SFN: variants seen among roughly 807,000 people sequenced by gnomAD.
The protein encoded by SFN is 14-3-3 protein sigma.
A neutral mutation model predicts 19.1 loss-of-function variants in SFN; 5 were observed. That is an observed-to-expected ratio of 0.26 (90% CI 0.14 to 0.55). The LOEUF is 0.55. SFN is among the 20% of genes least tolerant of loss of function. The probability of loss-of-function intolerance (pLI) is 0.94; values close to 1 mark genes in which losing one functional copy is unlikely to be tolerated. For missense variants in SFN, 287 were observed against 330.0 expected (o/e 0.87, Z 1.01); for synonymous variants, 130 against 140.9 (o/e 0.92, Z 0.55).
At position 26,863,449 on chromosome 1, in the gene SFN, C is replaced by G. The variant is rs747266675; in HGVS notation, c.237C>G (p.Pro79=). The G allele has an allele frequency of 6.2e-7, 1 of 1,614,058 alleles. No individual in the cohort carries two copies. ...SNEEGSEEKG[P]EVREYREKVE... ...AGGAGGGCTCGGAGGAGAAGGGGCC[C>G]GAGGTGCGTGAGTACCGGGAGAAGG... Residue 79 remains proline, a synonymous_variant, in exon 1 of 1, where the codon CCC becomes CCG. Transcript: ENST00000339276. This position sits in a 1 kb window ranked among gnomAD's most constrained non-coding sequence, Gnocchi z 7.4.
At position 26,863,430 on chromosome 1, in the gene SFN, G is replaced by A. The variant is rs779078184; in HGVS notation, c.218G>A (p.Gly73Asp). Reference protein sequence around the residue: ...SSIEQKSNEEGSEEKGPEVRE... With the variant: ...SSIEQKSNEEDSEEKGPEVRE... ...ATTGAGCAGAAAAGCAACGAGGAGG[G>A]CTCGGAGGAGAAGGGGCCCGAGGTG... is the stretch of plus-strand genomic sequence containing the variant. The change falls in exon 1 of 1, where the codon GGC (glycine) becomes GAC (aspartate). Residue 73 changes from glycine (G) to aspartate (D), a missense_variant. Gly to Asp is a moderately conservative substitution (Grantham distance 94). Coordinates refer to ENST00000339276, the MANE Select transcript of SFN (RefSeq NM_006142.5). This position sits in a 1 kb window ranked among gnomAD's most constrained non-coding sequence, Gnocchi z 7.4. 2 of 1,614,206 alleles carry A rather than the reference G, an allele frequency of 1.2e-6. No homozygotes were observed. Among genetic ancestry groups the A allele is most frequent in the Admixed American group, 3.3e-5 (2 of 60,024 alleles).
At position 26,863,176 on chromosome 1, in the gene SFN, CA is replaced by C; in HGVS notation, c.-36del. 1 of 1,607,760 alleles carries C rather than the reference CA, an allele frequency of 6.2e-7. No individual in the cohort carries two copies. Among genetic ancestry groups the C allele is most frequent in the Non-Finnish European group, 8.5e-7 (1 of 1,177,458 alleles). ...AGAGTCCGGCATTGGTCCCAGGCAG[CA>C]GTTAGCCCGCCGCCCGCCTGTGTGT... On this transcript the variant is annotated 5_prime_UTR_variant, in exon 1 of 1. Transcript: ENST00000339276. The surrounding 1 kb of genome is among the most constrained non-coding windows in gnomAD (Gnocchi z 7.4).
At position 26,864,003 on chromosome 1, in the gene SFN, C is replaced by A; in HGVS notation, c.*44C>A. On this transcript the variant is annotated 3_prime_UTR_variant, in exon 1 of 1. Coordinates refer to ENST00000339276, the MANE Select transcript of SFN (RefSeq NM_006142.5). The surrounding 1 kb of genome is among the most constrained non-coding windows in gnomAD (Gnocchi z 5.2). ...CCGCCCTGCCCCCTCCAGTCCCCCA[C>A]CCTGCCGAGAGGACTAGTATGGGGT... 2.7e-6 allele frequency: 4 copies of A among 1,482,958 alleles called. No homozygotes were observed. The highest frequency in any genetic ancestry group is 3.6e-6 in the Non-Finnish European group (4 of 1,102,172). 91.9% of individuals were successfully genotyped at this position (1,482,958 alleles called of 1,614,324 possible). A position where few individuals can be genotyped will look rare whatever the true frequency, so the allele number is the denominator to read the frequency against.
Position 26,863,269 on chromosome 1 carries a change from T to G in SFN, c.57T>G (p.Tyr19Ter), listed in dbSNP as rs1284171025. ...KAKLAEQAER[Y>*]EDMAAFMKGA... is the part of the protein sequence containing the mutation. ...AGCTGGCAGAGCAGGCCGAACGCTATGAGGACATGGCAGCCTTCATGAAAG... is the reference window on the plus strand; with the variant it reads ...AGCTGGCAGAGCAGGCCGAACGCTAGGAGGACATGGCAGCCTTCATGAAAG... Residue 19 changes from tyrosine to a stop codon, truncating the protein, a stop_gained, in exon 1 of 1, where the codon TAT becomes TAG. Transcript: ENST00000339276. LOFTEE classifies it high-confidence loss of function. The surrounding 1 kb of genome is among the most constrained non-coding windows in gnomAD (Gnocchi z 7.4). 1.2e-6 allele frequency: 2 copies of G among 1,614,170 alleles called. No individual in the cohort carries two copies. Among genetic ancestry groups the G allele is most frequent in the Admixed American group, 3.3e-5 (2 of 60,018 alleles).
In SFN at chr1:26,863,193, G is replaced by C. The variant is rs771470940; in HGVS notation, c.-20G>C. ...CCAGGCAGCAGTTAGCCCGCCGCCC[G>C]CCTGTGTGTCCCCAGAGCCATGGAG... On this transcript the variant is annotated 5_prime_UTR_variant, in exon 1 of 1. Transcript: ENST00000339276. The surrounding 1 kb of genome is among the most constrained non-coding windows in gnomAD (Gnocchi z 7.4). 1 of 1,612,008 alleles carries C rather than the reference G, an allele frequency of 6.2e-7. No homozygotes were observed. Among genetic ancestry groups the C allele is most frequent in the Non-Finnish European group, 8.5e-7 (1 of 1,179,234 alleles).
Position 26,863,700 on chromosome 1 carries a change from C to A in SFN, c.488C>A (p.Pro163Gln). 1.2e-6 allele frequency: 2 copies of A among 1,614,040 alleles called. No homozygotes were observed. The highest frequency in any genetic ancestry group is 1.7e-6 in the Non-Finnish European group (2 of 1,180,010). The change falls in exon 1 of 1, where the codon CCG (proline) becomes CAG (glutamine). Residue 163 changes from proline (P) to glutamine (Q), a missense_variant. By Grantham distance (76) the Pro-to-Gln change is moderately conservative (BLOSUM62 -1). Coordinates refer to ENST00000339276, the MANE Select transcript of SFN (RefSeq NM_006142.5). The surrounding 1 kb of genome is among the most constrained non-coding windows in gnomAD (Gnocchi z 7.4). ...EAMDISKKEM[P>Q]PTNPIRLGLA... ...ATGGACATCAGCAAGAAGGAGATGC[C>A]GCCCACCAACCCCATCCGCCTGGGC... is the stretch of plus-strand genomic sequence containing the variant.
In SFN at chr1:26,864,349, GTGT is replaced by G; in HGVS notation, c.*391_*393del. The G allele has an allele frequency of 4.6e-6, 1 of 218,154 alleles. No homozygotes were observed. The highest frequency in any genetic ancestry group is 9.9e-6 in the Non-Finnish European group (1 of 100,942). The allele number at this position is 218,154 out of a possible 1,614,324, so 13.5% of individuals were successfully genotyped here. On this transcript the variant is annotated 3_prime_UTR_variant, in exon 1 of 1. Coordinates refer to ENST00000339276, the MANE Select transcript of SFN (RefSeq NM_006142.5). The surrounding 1 kb of genome is among the most constrained non-coding windows in gnomAD (Gnocchi z 5.2). ...GAGATGGGTGTGTGTGTGTGTGTGT[GTGT>G]GTGTGTGTGTGTGCGCGCGCGCCAG...
rs747774734 is a variant in SFN at position 26,863,908 on chromosome 1, C to T, written c.696C>T (p.Ala232=). The change falls in exon 1 of 1, where the codon GCC becomes GCT. Residue 232 remains alanine (A), a synonymous_variant. Transcript: ENST00000339276. The surrounding 1 kb of genome is among the most constrained non-coding windows in gnomAD (Gnocchi z 7.4). The part of the protein sequence containing the change: ...LLRDNLTLWT[A]DNAGEEGGEA... ...GAGACAACCTGACACTGTGGACGGCCGACAACGCCGGGGAAGAGGGGGGCG... is the reference window on the plus strand; with the variant it reads ...GAGACAACCTGACACTGTGGACGGCTGACAACGCCGGGGAAGAGGGGGGCG... 1 of 1,614,000 alleles carries T rather than the reference C, an allele frequency of 6.2e-7. No individual in the cohort carries two copies. The highest frequency in any genetic ancestry group is 8.5e-7 in the Non-Finnish European group (1 of 1,179,956).
At position 26,864,079 on chromosome 1, in the gene SFN, C is replaced by T. The variant is rs2081774348; in HGVS notation, c.*120C>T. 3 of 925,872 alleles carry T rather than the reference C, an allele frequency of 3.2e-6. No individual in the cohort carries two copies. The highest frequency in any genetic ancestry group is 1.8e-5 in the South Asian group (1 of 56,222). The allele number at this position is 925,872 out of a possible 1,614,324, so 57.4% of individuals were successfully genotyped here. A position where few individuals can be genotyped will look rare whatever the true frequency, so the allele number is the denominator to read the frequency against. On this transcript the variant is annotated 3_prime_UTR_variant, in exon 1 of 1. Transcript: ENST00000339276. This position sits in a 1 kb window ranked among gnomAD's most constrained non-coding sequence, Gnocchi z 5.2. ...GCGCTGTTCTTGCTCCAAAGGGCTC[C>T]GTGGAGAGGGACTGGCAGAGCTGAG...
chr1:26,863,550 A>G lies in SFN; in HGVS notation c.338A>G (p.Asp113Gly), dbSNP rs1184208913. Reference sequence around the variant, plus strand: ...AGCCACCTCATCAAGGAGGCCGGGGACGCCGAGAGCCGGGTCTTCTACCTG... The same window carrying G: ...AGCCACCTCATCAAGGAGGCCGGGGGCGCCGAGAGCCGGGTCTTCTACCTG... ...LDSHLIKEAGDAESRVFYLKM... is the reference protein window; with the variant it reads ...LDSHLIKEAGGAESRVFYLKM... Residue 113 changes from aspartate (D) to glycine (G), a missense_variant, in exon 1 of 1, where the codon GAC becomes GGC. Coordinates refer to ENST00000339276, the MANE Select transcript of SFN (RefSeq NM_006142.5). This position sits in a 1 kb window ranked among gnomAD's most constrained non-coding sequence, Gnocchi z 7.4. 1.2e-6 allele frequency: 2 copies of G among 1,613,762 alleles called. No individual in the cohort carries two copies. Among genetic ancestry groups the G allele is most frequent in the Non-Finnish European group, 1.7e-6 (2 of 1,179,924 alleles).
rs757850238 is a variant in SFN at position 26,863,422 on chromosome 1, C to T, written c.210C>T (p.Asn70=). 5 of 1,613,994 alleles carry T rather than the reference C, an allele frequency of 3.1e-6. No homozygotes were observed. The highest frequency in any genetic ancestry group is 1.1e-5 in the South Asian group (1 of 91,082). The change falls in exon 1 of 1, where the codon AAC becomes AAT. Residue 70 remains asparagine, a synonymous_variant. Transcript: ENST00000339276. The surrounding 1 kb of genome is among the most constrained non-coding windows in gnomAD (Gnocchi z 7.4). The part of the protein sequence containing the change: ...RVLSSIEQKS[N]EEGSEEKGPE... Reference sequence around the variant, plus strand: ...TGTCCAGTATTGAGCAGAAAAGCAACGAGGAGGGCTCGGAGGAGAAGGGGC... The same window carrying T: ...TGTCCAGTATTGAGCAGAAAAGCAATGAGGAGGGCTCGGAGGAGAAGGGGC...
chr1:26,863,784 T>C lies in SFN; in HGVS notation c.572T>C (p.Ile191Thr). 2 of 1,613,524 alleles carry C rather than the reference T, an allele frequency of 1.2e-6. No individual in the cohort carries two copies. Among genetic ancestry groups the C allele is most frequent in the Non-Finnish European group, 1.7e-6 (2 of 1,179,924 alleles). ...ATCGCCAACAGCCCCGAGGAGGCCA[T>C]CTCTCTGGCCAAGACCACTTTCGAC... ...YEIANSPEEA[I>T]SLAKTTFDEA... Residue 191 changes from isoleucine to threonine, a missense_variant, in exon 1 of 1, where the codon ATC becomes ACC. Physicochemically the swap from Ile to Thr is moderately conservative, Grantham distance 89 (BLOSUM62 -1). Coordinates refer to ENST00000339276, the MANE Select transcript of SFN (RefSeq NM_006142.5). This position sits in a 1 kb window ranked among gnomAD's most constrained non-coding sequence, Gnocchi z 7.4.
At position 26,863,363 on chromosome 1, in the gene SFN, G is replaced by C. The variant is rs1379217298; in HGVS notation, c.151G>C (p.Val51Leu). The change falls in exon 1 of 1, where the codon GTG (valine) becomes CTG (leucine). Residue 51 changes from valine (V) to leucine (L), a missense_variant. By Grantham distance (32) the Val-to-Leu change is conservative. Coordinates refer to ENST00000339276, the MANE Select transcript of SFN (RefSeq NM_006142.5). This position sits in a 1 kb window ranked among gnomAD's most constrained non-coding sequence, Gnocchi z 7.4. ...RNLLSVAYKN[V>L]VGGQRAAWRV... ...CCTGCTCTCAGTAGCCTATAAGAACGTGGTGGGCGGCCAGAGGGCTGCCTG... is the reference window on the plus strand; with the variant it reads ...CCTGCTCTCAGTAGCCTATAAGAACCTGGTGGGCGGCCAGAGGGCTGCCTG... 1 of 1,614,022 alleles carries C rather than the reference G, an allele frequency of 6.2e-7. No homozygotes were observed. The highest frequency in any genetic ancestry group is 1.7e-4 in the Middle Eastern group (1 of 6,060).
chr1:26,863,776 G>A lies in SFN; in HGVS notation c.564G>A (p.Glu188=). Reference sequence around the variant, plus strand: ...ACTACGAGATCGCCAACAGCCCCGAGGAGGCCATCTCTCTGGCCAAGACCA... The same window carrying A: ...ACTACGAGATCGCCAACAGCCCCGAAGAGGCCATCTCTCTGGCCAAGACCA... ...VFHYEIANSP[E]EAISLAKTTF... is the part of the protein sequence containing the mutation. The change falls in exon 1 of 1, where the codon GAG becomes GAA. Residue 188 remains glutamate (E), a synonymous_variant. Coordinates refer to ENST00000339276, the MANE Select transcript of SFN (RefSeq NM_006142.5). The surrounding 1 kb of genome is among the most constrained non-coding windows in gnomAD (Gnocchi z 7.4). The A allele has an allele frequency of 1.9e-6, 3 of 1,613,994 alleles. No homozygotes were observed. The highest frequency in any genetic ancestry group is 2.5e-6 in the Non-Finnish European group (3 of 1,180,000).
chr1:26,863,166 T>G lies in SFN; in HGVS notation c.-47T>G. The G allele has an allele frequency of 6.2e-7, 1 of 1,604,168 alleles. No homozygotes were observed. The highest frequency in any genetic ancestry group is 8.5e-7 in the Non-Finnish European group (1 of 1,175,514). On this transcript the variant is annotated 5_prime_UTR_variant, in exon 1 of 1. Coordinates refer to ENST00000339276, the MANE Select transcript of SFN (RefSeq NM_006142.5). The surrounding 1 kb of genome is among the most constrained non-coding windows in gnomAD (Gnocchi z 7.4). ...GGAGAGACACAGAGTCCGGCATTGG[T>G]CCCAGGCAGCAGTTAGCCCGCCGCC... is the stretch of plus-strand genomic sequence containing the variant.
chr1:26,863,635 G>A lies in SFN; in HGVS notation c.423G>A (p.Lys141=). The change falls in exon 1 of 1, where the codon AAG becomes AAA. Residue 141 remains lysine, a synonymous_variant. Transcript: ENST00000339276. The surrounding 1 kb of genome is among the most constrained non-coding windows in gnomAD (Gnocchi z 7.4). ...AGGTGGCCACCGGTGACGACAAGAA[G>A]CGCATCATTGACTCAGCCCGGTCAG... is the stretch of plus-strand genomic sequence containing the variant. ...LAEVATGDDK[K]RIIDSARSAY... is the part of the protein sequence containing the mutation. The A allele has an allele frequency of 1.2e-6, 2 of 1,614,112 alleles. No homozygotes were observed. Among genetic ancestry groups the A allele is most frequent in the Non-Finnish European group, 1.7e-6 (2 of 1,180,028 alleles).
rs765149882 is a variant in SFN at position 26,863,237 on chromosome 1, A to G, written c.25A>G (p.Lys9Glu). 6.2e-7 allele frequency: 1 copy of G among 1,614,222 alleles called. No homozygotes were observed. The highest frequency in any genetic ancestry group is 8.5e-7 in the Non-Finnish European group (1 of 1,180,036). The change falls in exon 1 of 1, where the codon AAG becomes GAG. Residue 9 changes from lysine (K) to glutamate (E), a missense_variant. Physicochemically the swap from Lys to Glu is moderately conservative, Grantham distance 56. Coordinates refer to ENST00000339276, the MANE Select transcript of SFN (RefSeq NM_006142.5). This position sits in a 1 kb window ranked among gnomAD's most constrained non-coding sequence, Gnocchi z 7.4. MERASLIQ[K>E]AKLAEQAERY... is the part of the protein sequence containing the mutation. ...CATGGAGAGAGCCAGTCTGATCCAG[A>G]AGGCCAAGCTGGCAGAGCAGGCCGA... is the stretch of plus-strand genomic sequence containing the variant.
chr1:26,864,251 C>T lies in SFN; in HGVS notation c.*292C>T. The T allele has an allele frequency of 2.2e-6, 1 of 463,526 alleles. No individual in the cohort carries two copies. Among genetic ancestry groups the T allele is most frequent in the Non-Finnish European group, 4.1e-6 (1 of 246,110 alleles). 28.7% of individuals were successfully genotyped at this position (463,526 alleles called of 1,614,324 possible). ...CCCCTCCTCTTGCCTCCCTCCTGCC[C>T]CTGCTGCCTCTGATCGTAGGAATTG... On this transcript the variant is annotated 3_prime_UTR_variant, in exon 1 of 1. Transcript: ENST00000339276. This position sits in a 1 kb window ranked among gnomAD's most constrained non-coding sequence, Gnocchi z 5.2.
Position 26,863,522 on chromosome 1 carries a change from G to C in SFN, c.310G>C (p.Asp104His), listed in dbSNP as rs1435874533. ...GTGCGACACCGTGCTGGGCCTGCTG[G>C]ACAGCCACCTCATCAAGGAGGCCGG... ...GVCDTVLGLL[D>H]SHLIKEAGDA... Residue 104 changes from aspartate (D) to histidine (H), a missense_variant, in exon 1 of 1, where the codon GAC (aspartate) becomes CAC (histidine). Transcript: ENST00000339276. This position sits in a 1 kb window ranked among gnomAD's most constrained non-coding sequence, Gnocchi z 7.4. 6.2e-7 allele frequency: 1 copy of C among 1,613,886 alleles called. No homozygotes were observed.
Sources: gnomAD v4.1 joint callset for allele counts on GRCh38, gnomAD v4.1.1 for gene constraint, Gnocchi (gnomAD v3.1) non-coding constraint, MANE v1.5 for transcripts, NCBI Gene and HGNC (gene_info 2026-07-23, HGNC 2026-07-21) for gene names.